Variants in TENM4 observed in about 807,000 individuals in gnomAD.
TENM4 encodes teneurin transmembrane protein 4, also known as teneurin-4.
In TENM4, 82 loss-of-function variants were observed where a neutral mutation model predicts 243.3. The observed-to-expected ratio is 0.34, with a 90% CI of 0.28 to 0.40. The LOEUF (loss-of-function observed/expected upper bound fraction) is 0.40, where lower values mean the gene tolerates loss of function less well. TENM4 is among the 10% of genes least tolerant of loss of function. TENM4 has a pLI of 1.00. For synonymous variants in TENM4, 1,412 were observed against 1,456.3 expected (o/e 0.97, Z 0.69); for missense variants, 3,138 against 3,673.3 (o/e 0.85, Z 3.77).
At chr11:78,823,925 T>C (rs1440015312) in intron 12 of TENM4, among the ~76,000 whole-genome samples, 2 of 152,204 alleles carry the variant, frequency 1.3e-5, no homozygotes, top group Non-Finnish European at 2.9e-5. Context: ...ACATACAGTT[T>C]TATTTCATTC....
rs150436582 is a variant in TENM4 at position 79,233,587 on chromosome 11, C to T, written c.-264-17678G>A. Among the ~76,000 whole-genome samples the T allele has an allele frequency of 5.2e-3, 798 of 152,154 alleles. 6 individuals are homozygous for T. The highest frequency in any genetic ancestry group is 8.9e-3 in the Non-Finnish European group (608 of 67,994). On this transcript the variant is annotated intron_variant, in intron 2 of 33. Coordinates refer to ENST00000278550, the MANE Select transcript of TENM4 (RefSeq NM_001098816.3). ...TCCAGATGGAGCAGAATGTGAGGCACTTAGGCAAGACAGGGAGACACGGAC... is the reference window on the plus strand; with the variant it reads ...TCCAGATGGAGCAGAATGTGAGGCATTTAGGCAAGACAGGGAGACACGGAC...
rs746688652 is a variant in TENM4 at position 78,722,796 on chromosome 11, A to C, written c.3672T>G (p.Ala1224=). ...SISCPSCNGL[A]DGNKLLAPVA... is the part of the protein sequence containing the mutation. ...CTGGGGCCAGGAGCTTGTTGCCGTC[A>C]GCAAGGCCGTTGCAGCTGGGGCAGG... The change falls in exon 24 of 34, where the codon GCT becomes GCG. Residue 1224 remains alanine, a synonymous_variant. Transcript: ENST00000278550. 5 of 1,613,946 alleles carry C rather than the reference A, an allele frequency of 3.1e-6. No individual in the cohort carries two copies. The highest frequency in any genetic ancestry group is 4.2e-6 in the Non-Finnish European group (5 of 1,179,900).
intron 20 of TENM4, among the ~76,000 whole-genome samples, chr11:78,737,082 G>A (rs1855817894): frequency 6.6e-6 from 1 of 152,210 alleles, no homozygotes; most frequent in Admixed American, 6.5e-5. Flanking sequence ...CCATCTCACA[G>A]GAGTGACTGG....
At chr11:78,887,001 C>A (rs1855561426) in intron 9 of TENM4, among the ~76,000 whole-genome samples, 1 of 152,170 alleles carries the variant, frequency 6.6e-6, no homozygotes, top group African/African-American at 2.4e-5. Flanking sequence ...AACAGGTAAG[C>A]TTCTACTCCT....
intron 6 of TENM4, among the ~76,000 whole-genome samples, chr11:78,983,501 T>C (rs987515162): frequency 1.3e-5 from 2 of 152,272 alleles, no homozygotes; most frequent in Non-Finnish European, 2.9e-5. Context: ...CATGGTGTCC[T>C]GCCTTGGGCT....
At chr11:79,369,326 G>A (rs1004580235) in intron 1 of TENM4, among the ~76,000 whole-genome samples, 5 of 152,130 alleles carry the variant, frequency 3.3e-5, no homozygotes, top group South Asian at 2.1e-4. Context: ...GTTAAGTAGC[G>A]GATGAAATCA....
Position 79,100,408 on chromosome 11 carries a change from G to A in TENM4, c.-65-30399C>T, listed in dbSNP as rs561272507. Among the ~76,000 whole-genome samples the A allele has an allele frequency of 5.9e-5, 9 of 152,196 alleles. No individual in the cohort carries two copies. In the East Asian group the frequency reaches 1.7e-3, roughly 29 times the overall value. ...TTCTAAGTAGTGTTAGCCAAGACCTGCCTCTGATTTTCCAGGCACTTCCAT... is the reference window on the plus strand; with the variant it reads ...TTCTAAGTAGTGTTAGCCAAGACCTACCTCTGATTTTCCAGGCACTTCCAT... On this transcript the variant is annotated intron_variant, in intron 4 of 33. Coordinates refer to ENST00000278550, the MANE Select transcript of TENM4 (RefSeq NM_001098816.3).
intron 2 of TENM4, among the ~76,000 whole-genome samples, chr11:79,277,718 G>A (rs1360521579): frequency 6.6e-6 from 1 of 152,184 alleles, no homozygotes; most frequent in African/African-American, 2.4e-5. Context: ...TATTAGGCCT[G>A]TCTGAGCCTT....
intron 2 of TENM4, among the ~76,000 whole-genome samples, chr11:79,229,994 CTTTT>C (rs60636115): frequency 1.5e-5 from 2 of 132,676 alleles, no homozygotes; most frequent in African/African-American, 2.8e-5. Context: ...GTTTGGCTAA[CTTTT>C]TTTTTTTTTT....
In TENM4 at chr11:78,726,152, C is replaced by T; in HGVS notation, c.3477G>A (p.Gln1159=). The stretch of plus-strand genomic sequence containing the variant: ...GCTTGGACGCGTCAATTTCATAGCC[C>T]TGCAGCACTGTTGTTCTTTTTTCCC... ...ILWEKRTTVL[Q]GYEIDASKLG... is the part of the protein sequence containing the mutation. The change falls in exon 23 of 34, where the codon CAG becomes CAA. Residue 1159 remains glutamine, a synonymous_variant. Transcript: ENST00000278550. 1 of 1,614,038 alleles carries T rather than the reference C, an allele frequency of 6.2e-7. No homozygotes were observed. The highest frequency in any genetic ancestry group is 1.1e-5 in the South Asian group (1 of 91,080).
chr11:79,391,494 T>A (rs985291255), intron 1 of TENM4, among the ~76,000 whole-genome samples: 1 of 152,176 alleles, frequency 6.6e-6, no homozygotes, highest in African/African-American at 2.4e-5. Context: ...GCAATCTTCA[T>A]CTCTCTATGA....
chr11:78,827,527 T>C (rs913828898), intron 12 of TENM4, among the ~76,000 whole-genome samples: 1 of 151,686 alleles, frequency 6.6e-6, no homozygotes, highest in African/African-American at 2.4e-5. Flanking sequence ...TTTGCTCTTG[T>C]TGGCCAGGCT....
chr11:78,777,393 A>G (rs929825457), intron 17 of TENM4, among the ~76,000 whole-genome samples: 4 of 152,172 alleles, frequency 2.6e-5, no homozygotes, highest in Admixed American at 6.5e-5. Context: ...AACCCTTTCC[A>G]TAAGTTTTAA....
intron 25 of TENM4, among the ~76,000 whole-genome samples, chr11:78,716,358 C>G (rs140959347): frequency 6.1e-4 from 93 of 152,310 alleles, no homozygotes; most frequent in African/African-American, 2.0e-3. Context: ...TCCACTAGAG[C>G]TTACAAAGTT....
intron 5 of TENM4, among the ~76,000 whole-genome samples, chr11:79,065,805 AC>A (rs1243982035): frequency 1.3e-5 from 2 of 152,224 alleles, no homozygotes; most frequent in Non-Finnish European, 2.9e-5. Context: ...AGAGAAGGTC[AC>A]CTAGGAGTAG....
intron 3 of TENM4, among the ~76,000 whole-genome samples, chr11:79,168,241 G>A (rs551650670): frequency 6.6e-6 from 1 of 152,292 alleles, no homozygotes; most frequent in East Asian, 1.9e-4. Context: ...AACTTCAGTG[G>A]GGTGCTGGGG....
intron 1 of TENM4, among the ~76,000 whole-genome samples, chr11:79,410,764 T>C (rs148667410): frequency 4.9e-4 from 74 of 152,294 alleles, no homozygotes; most frequent in African/African-American, 1.5e-3. Flanking sequence ...GCTTAGGAGA[T>C]GTGAAGTGCC....
At chr11:79,369,011 G>A (rs578080870) in intron 1 of TENM4, among the ~76,000 whole-genome samples, 9 of 152,278 alleles carry the variant, frequency 5.9e-5, no homozygotes, top group Non-Finnish European at 1.3e-4. Flanking sequence ...TGGTTGCAAT[G>A]TACACAAGCC....
intron 10 of TENM4, 84 bp downstream of exon 10, chr11:78,862,878 C>T: frequency 7.9e-7 from 1 of 1,270,732 alleles, no homozygotes; most frequent in Non-Finnish European, 1.0e-6. Context: ...GAGCCAGGCA[C>T]ATGATGCACG....
Sources: gnomAD v4.1 joint callset for allele counts (sites outside exome capture counted in the v4.1 genomes callset) on GRCh38, gnomAD v4.1.1 for gene constraint, MANE v1.5 for transcripts, NCBI Gene and HGNC (gene_info 2026-07-23, HGNC 2026-07-21) for gene names.